Variants in COL13A1 observed in about 807,000 individuals in gnomAD.
COL13A1 encodes the protein collagen alpha-1(XIII) chain.
A neutral mutation model predicts 130.9 loss-of-function variants in COL13A1; 89 were observed. The observed-to-expected ratio is 0.68, with a 90% CI of 0.57 to 0.81. COL13A1 has a LOEUF of 0.81. COL13A1 is among the 30% of genes least tolerant of loss of function. The probability of loss-of-function intolerance (pLI) is 0.00; values close to 1 mark genes in which losing one functional copy is unlikely to be tolerated. For synonymous variants in COL13A1, 402 were observed against 341.6 expected (o/e 1.18, Z -1.95); for missense variants, 879 against 934.6 (o/e 0.94, Z 0.78).
At chr10:69,941,500 A>G (rs1353721981) in intron 35 of COL13A1, among the ~76,000 whole-genome samples, 1 of 152,164 alleles carries the variant, frequency 6.6e-6, no homozygotes, top group Non-Finnish European at 1.5e-5. Context: ...TATGTGGGGT[A>G]GGACAGCTTT....
At chr10:69,823,244 T>C (rs977497575) in intron 2 of COL13A1, among the ~76,000 whole-genome samples, 1 of 152,234 alleles carries the variant, frequency 6.6e-6, no homozygotes, top group Non-Finnish European at 1.5e-5. Context: ...TTACAGCTTA[T>C]GAGAAATTTT....
In COL13A1 at chr10:69,958,612, C is replaced by G. The variant is rs1225050596; in HGVS notation, c.2185-87C>G. On this transcript the variant is annotated intron_variant, in intron 40 of 40. Coordinates refer to ENST00000645393, the MANE Select transcript of COL13A1 (RefSeq NM_001368882.1). ...TCCAGAACTCCCATCCAACCCAGGA[C>G]AAGATTTACCTCCCTTCCTACAAAG... 3.2e-5 allele frequency: 52 copies of G among 1,604,946 alleles called. No homozygotes were observed. The Admixed American group carries it at 7.1e-4, about 22-fold the overall frequency.
chr10:69,912,263 C>G (rs1370043252), intron 17 of COL13A1, among the ~76,000 whole-genome samples: 1 of 152,182 alleles, frequency 6.6e-6, no homozygotes, highest in Admixed American at 6.5e-5. Context: ...AGCCAGCTGC[C>G]CTTCCAAAGC....
intron 3 of COL13A1, 76 bp from the exon 4 acceptor site, chr10:69,872,108 G>T (rs766124197): frequency 6.4e-7 from 1 of 1,569,158 alleles, no homozygotes; most frequent in Non-Finnish European, 8.8e-7. Context: ...AGGTCACACA[G>T]CTGGTTGAGA....
intron 1 of COL13A1, among the ~76,000 whole-genome samples, chr10:69,814,027 C>G (rs1843753827): frequency 6.6e-6 from 1 of 152,208 alleles, no homozygotes; most frequent in Admixed American, 6.5e-5. Context: ...AGACATCTGA[C>G]CCGGGACCCT....
intron 38 of COL13A1, among the ~76,000 whole-genome samples, chr10:69,949,017 G>T (rs913886952): frequency 9.9e-5 from 15 of 152,276 alleles, no homozygotes; most frequent in African/African-American, 3.6e-4. Flanking sequence ...AAACAATGAG[G>T]TGGCACGCAC....
intron 13 of COL13A1, among the ~76,000 whole-genome samples, chr10:69,896,205 C>T (rs557385549): frequency 6.6e-6 from 1 of 152,248 alleles, no homozygotes; most frequent in African/African-American, 2.4e-5. Flanking sequence ...GAGATGGTTC[C>T]TCTGCCCACC....
intron 3 of COL13A1, among the ~76,000 whole-genome samples, chr10:69,869,589 G>A (rs2058858172): frequency 6.6e-6 from 1 of 152,208 alleles, no homozygotes; most frequent in Admixed American, 6.5e-5. Context: ...GTGCAGGATG[G>A]ATTAAAGCTG....
chr10:69,811,854 A>T (rs962919616), intron 1 of COL13A1, among the ~76,000 whole-genome samples: 1 of 152,094 alleles, frequency 6.6e-6, no homozygotes, highest in Non-Finnish European at 1.5e-5. Flanking sequence ...TAAACTGAGC[A>T]GGAAATCCAC....
intron 14 of COL13A1, among the ~76,000 whole-genome samples, chr10:69,900,889 A>G (rs2062118282): frequency 6.6e-6 from 1 of 152,182 alleles, no homozygotes; most frequent in Non-Finnish European, 1.5e-5. Flanking sequence ...TCTCTTCTGT[A>G]ACATAGGACT....
At chr10:69,931,915 A>C (rs1286597101) in intron 30 of COL13A1, among the ~76,000 whole-genome samples, 1 of 152,182 alleles carries the variant, frequency 6.6e-6, no homozygotes, top group Non-Finnish European at 1.5e-5. Context: ...TTAATGTCTC[A>C]GCCAACTGTA....
chr10:69,919,018 C>A, intron 19 of COL13A1, 44 bp from the exon 20 acceptor site: 8 of 1,613,716 alleles, frequency 5.0e-6, no homozygotes, highest in Non-Finnish European at 6.8e-6. Context: ...TCATTTGTTT[C>A]TGCTTTTTCT....
At chr10:69,810,371 AGAGAGAGAGACAGAGAGT>A (rs1199280664) in intron 1 of COL13A1, among the ~76,000 whole-genome samples, 1 of 106,090 alleles carries the variant, frequency 9.4e-6, no homozygotes, top group Admixed American at 1.1e-4. Flanking sequence ...AGAGAGAGAG[AGAGAGAGAGACAGAGAGT>A]CTGTGTGGCC....
rs114713187 is a variant in COL13A1, at chr10:69,815,408, C to T, written c.295-6961C>T. On this transcript the variant is annotated intron_variant, in intron 1 of 40. Transcript: ENST00000645393. The stretch of plus-strand genomic sequence containing the variant: ...ACCGATCAGGCGGGTGATGTTTCAG[C>T]TCTGGCCACATAGGGCATTCCAGGA... Among the ~76,000 whole-genome samples, 162 of 152,318 alleles carry T rather than the reference C, an allele frequency of 1.1e-3. 1 individual carries two copies. Among genetic ancestry groups the T allele is most frequent in the African/African-American group, 3.7e-3 (152 of 41,574 alleles).
intron 15 of COL13A1, 23 bp from the exon 16 acceptor site, chr10:69,904,905 CTTTTT>C (rs60054259): frequency 3.8e-4 from 556 of 1,469,308 alleles, no homozygotes; most frequent in Middle Eastern, 1.7e-3. Context: ...TTTCTTTTTT[CTTTTT>C]TTTTTTTTTT....
chr10:69,823,342 T>A (rs534409580), intron 2 of COL13A1, among the ~76,000 whole-genome samples: 1 of 152,236 alleles, frequency 6.6e-6, no homozygotes, highest in Non-Finnish European at 1.5e-5. Context: ...CCTGAGGAAC[T>A]AGAATGCACT....
At chr10:69,857,272 A>G (rs566191195) in intron 2 of COL13A1, among the ~76,000 whole-genome samples, 1 of 152,292 alleles carries the variant, frequency 6.6e-6, no homozygotes, top group South Asian at 2.1e-4. Context: ...GATGGCTTAA[A>G]TCTGTACTAT....
Position 69,888,283 on chromosome 10 carries a change from A to T in COL13A1, c.550-21A>T, listed in dbSNP as rs189294759. 22 of 1,612,600 alleles carry T rather than the reference A, an allele frequency of 1.4e-5. No homozygotes were observed. The East Asian group carries it at 4.9e-4, about 36-fold the overall frequency. On this transcript the variant is annotated intron_variant, in intron 8 of 40. Transcript: ENST00000645393. ...GAGTCCTGTGATGCTCAGTCTTTAC[A>T]TCTGGCCTTTCTGGTTTCAGGGTCC... is the stretch of plus-strand genomic sequence containing the variant.
chr10:69,866,403 C>T (rs2058521301), intron 2 of COL13A1, among the ~76,000 whole-genome samples: 1 of 152,244 alleles, frequency 6.6e-6, no homozygotes, highest in South Asian at 2.1e-4. Flanking sequence ...TTGCCACAGG[C>T]TGAATTTTGT....
Sources: gnomAD v4.1 joint callset for allele counts (sites outside exome capture counted in the v4.1 genomes callset) on GRCh38, gnomAD v4.1.1 for gene constraint, MANE v1.5 for transcripts, NCBI Gene and HGNC (gene_info 2026-07-23, HGNC 2026-07-21) for gene names.